IFNAR2: variants seen among roughly 807,000 people sequenced by gnomAD.
The protein encoded by IFNAR2 is interferon alpha/beta receptor 2.
IFNAR2 carries 30 observed loss-of-function variants against 49.4 expected under a neutral mutation model. The observed-to-expected ratio is 0.61, with a 90% CI of 0.45 to 0.82. The LOEUF (loss-of-function observed/expected upper bound fraction) is 0.82. Ranked by LOEUF, IFNAR2 falls within the 40% of genes least tolerant of loss-of-function variation. IFNAR2 has a pLI of 0.00. For missense variants in IFNAR2, 600 were observed against 622.7 expected, an observed-to-expected ratio of 0.96 and a Z score of 0.39; for synonymous variants, 224 against 234.5, an observed-to-expected ratio of 0.96 and a Z score of 0.41.
Position 33,233,372 on chromosome 21 carries a change from T to G in IFNAR2, c.-84+3156T>G, listed in dbSNP as rs138122674. Among the ~76,000 whole-genome samples the G allele has an allele frequency of 1.8e-4, 27 of 151,960 alleles. No individual in the cohort carries two copies. The East Asian group carries it at 4.6e-3, about 26-fold the overall frequency. ...GAAGTCAACAAATGGGACAGAAAAT[T>G]CAAATAAAAATAAGTCCAAAGAAAG... On this transcript the variant is annotated intron_variant, in intron 1 of 8. Coordinates refer to ENST00000342136, the MANE Select transcript of IFNAR2 (RefSeq NM_001289125.3).
intron 3 of IFNAR2, 81 bp from the exon 4 acceptor site, chr21:33,244,870 G>T: frequency 6.9e-7 from 1 of 1,442,850 alleles, no homozygotes; most frequent in South Asian, 1.2e-5. Context: ...GTGGGTTCTA[G>T]ATCCCAAGAA....
Position 33,242,783 on chromosome 21 carries a change from G to GCA in IFNAR2, c.55+806_55+807insCA, listed in dbSNP as rs1987072139. Among the ~76,000 whole-genome samples, 4 of 78,170 alleles carry GCA rather than the reference G, an allele frequency of 5.1e-5. 2 individuals carry two copies. The highest frequency in any genetic ancestry group is 1.0e-4 in the African/African-American group (2 of 19,384). 51.3% of individuals were successfully genotyped at this position (78,170 alleles called of 152,430 possible). ...CGTGTGTGTGTGTGTGTGTGTGTGT[G>GCA]TGTGTGTGTGTGTGTGTGTGTTTTG... On this transcript the variant is annotated intron_variant, in intron 2 of 8. Transcript: ENST00000342136.
Position 33,230,082 on chromosome 21 carries a change from T to A in IFNAR2, c.-218T>A. The A allele has an allele frequency of 1.0e-6, 1 of 987,724 alleles. No homozygotes were observed. The highest frequency in any genetic ancestry group is 1.2e-6 in the Non-Finnish European group (1 of 831,122). 61.2% of individuals were successfully genotyped at this position (987,724 alleles called of 1,614,324 possible). On this transcript the variant is annotated 5_prime_UTR_variant, in exon 1 of 9. Coordinates refer to ENST00000342136, the MANE Select transcript of IFNAR2 (RefSeq NM_001289125.3). The surrounding 1 kb of genome is among the most constrained non-coding windows in gnomAD (Gnocchi z 5.5). ...CACCCGGCCGCACGGGCCGCTTTTG[T>A]CCCCCGCCCGCCGCTTCTGTCCGAG...
intron 1 of IFNAR2, among the ~76,000 whole-genome samples, chr21:33,241,074 G>A (rs1010311852): frequency 2.0e-5 from 3 of 152,136 alleles, no homozygotes; most frequent in Non-Finnish European, 4.4e-5. Flanking sequence ...TAAGGAATGA[G>A]AAATTACTTA....
chr21:33,252,314 A>T, intron 6 of IFNAR2: 1 of 546,394 alleles, frequency 1.8e-6, no homozygotes, highest in Non-Finnish European at 3.0e-6. Flanking sequence ...GCACTTTCTC[A>T]AGTGTAAAGT....
intron 5 of IFNAR2, among the ~76,000 whole-genome samples, chr21:33,248,146 G>A (rs2834163): frequency 0.67 from 101,112 of 151,958 alleles, 34,024 homozygotes; most frequent in African/African-American, 0.74. Flanking sequence ...GAAGTAATTG[G>A]CAGCATGTAT....
At chr21:33,243,088 AT>A (rs772835653) in intron 2 of IFNAR2, among the ~76,000 whole-genome samples, 359 of 126,882 alleles carry the variant, frequency 2.8e-3, no homozygotes, top group Admixed American at 2.9e-3. Context: ...GTGTCCAGCC[AT>A]TTTTTTTTTT....
Position 33,230,166 on chromosome 21 carries a change from T to G in IFNAR2, c.-134T>G, listed in dbSNP as rs1338762472. 2 of 1,002,200 alleles carry G rather than the reference T, an allele frequency of 2.0e-6. No homozygotes were observed. Among genetic ancestry groups the G allele is most frequent in the Non-Finnish European group, 2.4e-6 (2 of 839,032 alleles). The allele number at this position is 1,002,200 out of a possible 1,614,324, so 62.1% of individuals were successfully genotyped here. A position where few individuals can be genotyped will look rare whatever the true frequency, so the allele number is the denominator to read the frequency against. The stretch of plus-strand genomic sequence containing the variant: ...GTCGGGTCCCAGAGCCGGGCGCGGC[T>G]GGGGCCCGAGGCTAGCATCTCTCGG... On this transcript the variant is annotated 5_prime_UTR_variant, in exon 1 of 9. Transcript: ENST00000342136. The surrounding 1 kb of genome is among the most constrained non-coding windows in gnomAD (Gnocchi z 5.5).
intron 7 of IFNAR2, among the ~76,000 whole-genome samples, chr21:33,257,826 GGC>G (rs1988312119): frequency 6.6e-6 from 1 of 151,816 alleles, no homozygotes; most frequent in South Asian, 2.1e-4. Flanking sequence ...AGGGGACATG[GGC>G]AGGCCACCCA....
intron 7 of IFNAR2, among the ~76,000 whole-genome samples, chr21:33,257,529 G>A (rs1480794233): frequency 6.6e-6 from 1 of 151,804 alleles, no homozygotes; most frequent in Non-Finnish European, 1.5e-5. Flanking sequence ...CTACTTTTAG[G>A]ATCCTGCTGA....
intron 1 of IFNAR2, chr21:33,231,783 G>A (rs1279827251): frequency 9.2e-6 from 6 of 653,024 alleles, no homozygotes; most frequent in South Asian, 1.4e-4. Flanking sequence ...GCTCTGTCGC[G>A]CAGGCTGGAG....
chr21:33,244,591 G>A (rs1751621966), intron 3 of IFNAR2, among the ~76,000 whole-genome samples: 1 of 152,128 alleles, frequency 6.6e-6, no homozygotes, highest in South Asian at 2.1e-4. Context: ...AGGGAGAATG[G>A]GTAGGGGAGA....
chr21:33,237,590 G>A (rs897060471), intron 1 of IFNAR2, among the ~76,000 whole-genome samples: 8 of 152,174 alleles, frequency 5.3e-5, no homozygotes, highest in Non-Finnish European at 1.0e-4. Context: ...CTAGGGGAAT[G>A]TTCACAACTA....
At chr21:33,244,909 G>A (rs753394227) in intron 3 of IFNAR2, 42 bp from the exon 4 acceptor site, 621 of 1,606,414 alleles carry the variant, frequency 3.9e-4, no homozygotes, top group Non-Finnish European at 5.1e-4. Context: ...GAATACAACT[G>A]TGGGTTCCAA....
At chr21:33,244,669 A>G (rs1438889267) in intron 3 of IFNAR2, among the ~76,000 whole-genome samples, 1 of 152,150 alleles carries the variant, frequency 6.6e-6, no homozygotes, top group Non-Finnish European at 1.5e-5. Flanking sequence ...CCATGGAGGG[A>G]CAGTCCAAGG....
intron 2 of IFNAR2, among the ~76,000 whole-genome samples, chr21:33,242,200 G>A (rs1450918107): frequency 6.6e-6 from 1 of 152,178 alleles, no homozygotes; most frequent in Non-Finnish European, 1.5e-5. Flanking sequence ...AAACAAATGA[G>A]TGACTTAAGG....
At chr21:33,240,335 A>T (rs1449610475) in intron 1 of IFNAR2, among the ~76,000 whole-genome samples, 1 of 152,226 alleles carries the variant, frequency 6.6e-6, no homozygotes, top group African/African-American at 2.4e-5. Flanking sequence ...TGCTGCACAG[A>T]TTTATAGCCT....
chr21:33,246,588 G>A (rs1334941329), intron 4 of IFNAR2, 130 bp from the exon 5 acceptor site: 6 of 656,450 alleles, frequency 9.1e-6, no homozygotes, highest in Admixed American at 2.9e-5. Flanking sequence ...TAAGATGGTT[G>A]GGGAAGATCA....
intron 7 of IFNAR2, among the ~76,000 whole-genome samples, chr21:33,253,544 C>G (rs1988008283): frequency 6.6e-6 from 1 of 152,246 alleles, no homozygotes; most frequent in East Asian, 1.9e-4. Context: ...GGTCCCAATC[C>G]ATACCCCAAG....
Sources: gnomAD v4.1 joint callset for allele counts (sites outside exome capture counted in the v4.1 genomes callset) on GRCh38, gnomAD v4.1.1 for gene constraint, Gnocchi (gnomAD v3.1) non-coding constraint, MANE v1.5 for transcripts, NCBI Gene and HGNC (gene_info 2026-07-23, HGNC 2026-07-21) for gene names.